Variants in CATSPERD observed in about 807,000 individuals in gnomAD.
CATSPERD encodes cation channel sperm-associated auxiliary subunit delta.
In CATSPERD, 86 loss-of-function variants were observed where a neutral mutation model predicts 98.1. The ratio of observed to expected loss-of-function variants is 0.88; its 90% CI spans 0.74 to 1.05. The LOEUF (loss-of-function observed/expected upper bound fraction) is 1.05, where lower values mean the gene tolerates loss of function less well. Ranked by LOEUF, CATSPERD falls within the 50% of genes least tolerant of loss-of-function variation. CATSPERD has a pLI of 0.00. For missense variants in CATSPERD, 995 were observed against 1,005.7 expected (o/e 0.99, Z 0.14); for synonymous variants, 394 against 390.2 (o/e 1.01, Z -0.12).
intron 7 of CATSPERD, among the ~76,000 whole-genome samples, chr19:5,740,449 T>C (rs566068486): frequency 6.6e-6 from 1 of 151,632 alleles, no homozygotes; most frequent in South Asian, 2.1e-4. Flanking sequence ...TAGCTGGGCG[T>C]GGTGCCTCAT....
rs2145868461 is a variant in CATSPERD, at chr19:5,772,773, G to GT, written c.1764-14dup. 2 of 1,611,350 alleles carry GT rather than the reference G, an allele frequency of 1.2e-6. No homozygotes were observed. Among genetic ancestry groups the GT allele is most frequent in the South Asian group, 2.2e-5 (2 of 90,534 alleles). ...CCTGCTCCCTGCACAGCCCTGCCCC[G>GT]TGCCTGTGTCCTAGGTGGCGAAAAG... is the stretch of plus-strand genomic sequence containing the variant. On this transcript the variant is annotated splice_polypyrimidine_tract_variant and intron_variant, in intron 19 of 21. Coordinates refer to ENST00000381624, the MANE Select transcript of CATSPERD (RefSeq NM_152784.4).
chr19:5,762,640 G>A (rs1051025773), intron 15 of CATSPERD, among the ~76,000 whole-genome samples: 8 of 151,932 alleles, frequency 5.3e-5, no homozygotes, highest in Non-Finnish European at 7.4e-5. Flanking sequence ...TGGATGGATG[G>A]ATGGATAAAT....
At position 5,760,000 on chromosome 19, in the gene CATSPERD, G is replaced by A. The variant is rs150636547; in HGVS notation, c.1427+856G>A. 3.8e-3 allele frequency among the ~76,000 whole-genome samples: 574 copies of A among 149,822 alleles called. 6 individuals are homozygous for A. Among genetic ancestry groups the A allele is most frequent in the African/African-American group, 0.013 (541 of 40,624 alleles). On this transcript the variant is annotated intron_variant, in intron 15 of 21. Transcript: ENST00000381624. ...GCTTTGGCAGAATTGCTTGAACCCAGGAGGTGGAGCTTGCAGTGAGCCGAG... is the reference window on the plus strand; with the variant it reads ...GCTTTGGCAGAATTGCTTGAACCCAAGAGGTGGAGCTTGCAGTGAGCCGAG...
At chr19:5,764,273 CT>C (rs1456661982) in intron 16 of CATSPERD, among the ~76,000 whole-genome samples, 1 of 144,426 alleles carries the variant, frequency 6.9e-6, no homozygotes, top group African/African-American at 2.6e-5. Context: ...GCATTCTGTT[CT>C]AAGGTAAATC....
In CATSPERD at chr19:5,771,039, A is replaced by G. The variant is rs1423422128; in HGVS notation, c.1730A>G (p.Tyr577Cys). ...YQQLGCPLLV[Y>C]YDTLWKPVVE... ...CAGCTGGGCTGTCCTCTCCTCGTCT[A>G]CTATGACACCCTATGGAAGCCCGTG... The change falls in exon 19 of 22, where the codon TAC becomes TGC. Residue 577 changes from tyrosine to cysteine, a missense_variant. Tyr to Cys is a radical substitution (Grantham distance 194). Around this residue, in one of 3 missense-constraint regions of CATSPERD, gnomAD observed 762 missense variants for 773.7 expected, o/e 0.98. Transcript: ENST00000381624. 3 of 1,613,858 alleles carry G rather than the reference A, an allele frequency of 1.9e-6. No homozygotes were observed. The Admixed American group carries it at 5.0e-5, about 27-fold the overall frequency.
At chr19:5,738,352 C>CAAA (rs767298084) in intron 6 of CATSPERD, among the ~76,000 whole-genome samples, 3 of 104,952 alleles carry the variant, frequency 2.9e-5, no homozygotes, top group Non-Finnish European at 4.0e-5. Context: ...ACTCAAAATA[C>CAAA]AAAAAAAAAA....
At chr19:5,768,320 T>TTTCA in intron 18 of CATSPERD, 78 bp downstream of exon 18, 1 of 496,162 alleles carries the variant, frequency 2.0e-6, no homozygotes, top group Non-Finnish European at 3.2e-6. Flanking sequence ...AAATTAGGAA[T>TTTCA]TTTATTTATT....
At chr19:5,744,300 G>C (rs1239267786) in intron 7 of CATSPERD, 127 bp from the exon 8 acceptor site, 3 of 778,140 alleles carry the variant, frequency 3.9e-6, no homozygotes, top group Non-Finnish European at 4.2e-6. Context: ...TTTCCACAGA[G>C]GGCATTATTT....
At chr19:5,727,535 C>T (rs968579875) in intron 3 of CATSPERD, among the ~76,000 whole-genome samples, 191 bp downstream of exon 3, 10 of 152,088 alleles carry the variant, frequency 6.6e-5, no homozygotes, top group African/African-American at 2.2e-4. Flanking sequence ...GTAACTAAAA[C>T]AACTGCAGTA....
chr19:5,767,099 C>T (rs1398018937), intron 17 of CATSPERD, among the ~76,000 whole-genome samples: 3 of 151,012 alleles, frequency 2.0e-5, no homozygotes, highest in Non-Finnish European at 3.0e-5. Flanking sequence ...GGGTGGATCA[C>T]GAGGTCAGGA....
chr19:5,732,535 C>A (rs2055747176), intron 4 of CATSPERD, among the ~76,000 whole-genome samples: 1 of 151,950 alleles, frequency 6.6e-6, no homozygotes, highest in South Asian at 2.1e-4. Flanking sequence ...CGAGTTCACA[C>A]CATTCTCCTC....
At chr19:5,721,150 C>T (rs551602124) in intron 1 of CATSPERD, among the ~76,000 whole-genome samples, 3 of 151,952 alleles carry the variant, frequency 2.0e-5, no homozygotes, top group African/African-American at 4.8e-5. Flanking sequence ...AGGCGCCTGC[C>T]ACCACGCCCG....
chr19:5,722,984 C>G (rs1240571333), intron 1 of CATSPERD, among the ~76,000 whole-genome samples: 1 of 151,692 alleles, frequency 6.6e-6, no homozygotes, highest in Non-Finnish European at 1.5e-5. Flanking sequence ...GTCAGGAGAT[C>G]GAGACCATCC....
At chr19:5,745,434 G>A (rs896402904) in intron 8 of CATSPERD, among the ~76,000 whole-genome samples, 1 of 151,218 alleles carries the variant, frequency 6.6e-6, no homozygotes, top group Non-Finnish European at 1.5e-5. Flanking sequence ...GCCTGGCCAA[G>A]ATGGTGAAAC....
At chr19:5,763,984 G>A (rs1276624725) in intron 16 of CATSPERD, among the ~76,000 whole-genome samples, 2 of 150,636 alleles carry the variant, frequency 1.3e-5, no homozygotes, top group African/African-American at 2.4e-5. Flanking sequence ...GAGTAGCGGG[G>A]ATTACAAGCA....
intron 15 of CATSPERD, among the ~76,000 whole-genome samples, chr19:5,761,469 A>G (rs58364693): frequency 6.8e-6 from 1 of 147,130 alleles, no homozygotes; most frequent in South Asian, 2.1e-4. Context: ...GGCTGGCTGG[A>G]TGGTGTATTA....
chr19:5,767,583 G>C (rs2056565312), intron 17 of CATSPERD, among the ~76,000 whole-genome samples: 1 of 150,980 alleles, frequency 6.6e-6, no homozygotes, highest in Non-Finnish European at 1.5e-5. Flanking sequence ...CGCCTCCCTG[G>C]TTCATGCCAT....
rs56352544 is a variant in CATSPERD, at chr19:5,763,847, C to CTTTTTTTTTTTTTTTTTTTTTTTTTT, written c.1506+572_1506+573insTTTTTTTTTTTTTTTTTTTTTTTTTT. Among the ~76,000 whole-genome samples the CTTTTTTTTTTTTTTTTTTTTTTTTTT allele has an allele frequency of 7.7e-3, 476 of 62,064 alleles. 100 individuals carry two copies. Among genetic ancestry groups the CTTTTTTTTTTTTTTTTTTTTTTTTTT allele is most frequent in the Non-Finnish European group, 0.011 (333 of 31,346 alleles). The allele number at this position is 62,064 out of a possible 152,430, so 40.7% of individuals were successfully genotyped here. On this transcript the variant is annotated intron_variant, in intron 16 of 21. Transcript: ENST00000381624. ...TGTTGGCCAGGCTGGTCTTGAACTCCTTTTTTTTTTTTTTTTTTGACATGG... is the reference window on the plus strand; with the variant it reads ...TGTTGGCCAGGCTGGTCTTGAACTCCTTTTTTTTTTTTTTTTTTTTTTTTTTTTTTTTTTTTTTTTTTTTGACATGG...
chr19:5,738,597 AATAAC>A (rs1000175500), intron 6 of CATSPERD, among the ~76,000 whole-genome samples: 2 of 152,086 alleles, frequency 1.3e-5, no homozygotes, highest in African/African-American at 4.8e-5. Flanking sequence ...AAGCCTCACT[AATAAC>A]ATAAACAGTC....
Sources: allele counts gnomAD v4.1 joint callset (sites outside exome capture counted in the v4.1 genomes callset), GRCh38; gene constraint gnomAD v4.1.1; regional missense constraint gnomAD v4.1.1; transcripts MANE v1.5; gene names NCBI Gene and HGNC (gene_info 2026-07-23, HGNC 2026-07-21).